Variants in SLC9A8 observed in about 807,000 individuals in gnomAD.
SLC9A8 encodes sodium/hydrogen exchanger 8.
In SLC9A8, 48 loss-of-function variants were observed where a neutral mutation model predicts 66.6. The observed-to-expected ratio is 0.72, with a 90% confidence interval of 0.57 to 0.92. The LOEUF (loss-of-function observed/expected upper bound fraction) is 0.92, where lower values mean the gene tolerates loss of function less well. Among genes scored for constraint, SLC9A8 ranks in the 40% least tolerant of loss-of-function variants. SLC9A8 has a pLI of 0.00. For missense variants in SLC9A8, 599 were observed against 747.3 expected (o/e 0.80, Z 2.31); for synonymous variants, 274 against 282.6 (o/e 0.97, Z 0.31).
intron 2 of SLC9A8, among the ~76,000 whole-genome samples, chr20:49,821,023 G>A (rs531822259): frequency 2.4e-4 from 37 of 152,052 alleles, no homozygotes; most frequent in Non-Finnish European, 4.9e-4. Flanking sequence ...TATATATTGT[G>A]GATAGTACAC....
rs1364713328 is a variant in SLC9A8 at position 49,886,819 on chromosome 20, G to A, written c.1559G>A (p.Arg520Lys). Reference sequence around the variant, plus strand: ...GAGGAGTACGAGGCCCACTACATCAGGCGGCAGGACCTTAAGGGCTTCGTG... The same window carrying A: ...GAGGAGTACGAGGCCCACTACATCAAGCGGCAGGACCTTAAGGGCTTCGTG... The part of the protein sequence containing the change: ...TEEEYEAHYI[R>K]RQDLKGFVWL... Residue 520 changes from arginine (R) to lysine (K), a missense_variant, in exon 15 of 16, where the codon AGG becomes AAG. Transcript: ENST00000361573. This position sits in a 1 kb window ranked among gnomAD's most constrained non-coding sequence, Gnocchi z 4.8. 1.9e-6 allele frequency: 3 copies of A among 1,614,190 alleles called. No individual in the cohort carries two copies. Among genetic ancestry groups the A allele is most frequent in the African/African-American group, 1.3e-5 (1 of 75,058 alleles).
chr20:49,865,116 T>G (rs2088907014), intron 10 of SLC9A8, among the ~76,000 whole-genome samples: 1 of 152,212 alleles, frequency 6.6e-6, no homozygotes, highest in African/African-American at 2.4e-5. Flanking sequence ...TGAGGCTCCC[T>G]CAGAGGAGGG....
intron 2 of SLC9A8, among the ~76,000 whole-genome samples, chr20:49,818,306 G>A (rs1023809564): frequency 6.6e-6 from 1 of 151,956 alleles, no homozygotes; most frequent in African/African-American, 2.4e-5. Context: ...AATGTTAGAT[G>A]GCTTTCATTT....
At chr20:49,853,709 C>T (rs1173056168) in intron 7 of SLC9A8, among the ~76,000 whole-genome samples, 1 of 152,214 alleles carries the variant, frequency 6.6e-6, no homozygotes. Flanking sequence ...CCAGTACAGA[C>T]CCTGGGAATT....
rs997686936 is a variant in SLC9A8 at position 49,888,243 on chromosome 20, G to A, written c.*307G>A. The A allele has an allele frequency of 1.2e-5, 4 of 321,470 alleles. No homozygotes were observed. Among genetic ancestry groups the A allele is most frequent in the Non-Finnish European group, 2.4e-5 (4 of 167,892 alleles). 19.9% of individuals were successfully genotyped at this position (321,470 alleles called of 1,614,324 possible). On this transcript the variant is annotated 3_prime_UTR_variant, in exon 16 of 16. Coordinates refer to ENST00000361573, the MANE Select transcript of SLC9A8 (RefSeq NM_015266.3). Reference sequence around the variant, plus strand: ...TGCCAGTCATCTGTGAAGCTAGGGCGCCTACCCCCCCACCCGGAGGACCCC... The same window carrying A: ...TGCCAGTCATCTGTGAAGCTAGGGCACCTACCCCCCCACCCGGAGGACCCC...
chr20:49,874,846 T>C lies in SLC9A8; in HGVS notation c.1075+25T>C, dbSNP rs60694486. The stretch of plus-strand genomic sequence containing the variant: ...GGTGAGTTCTGCTTCTGTGTGGCCG[T>C]GAGCAGGCCCACCCAGAGCTGATCT... On this transcript the variant is annotated intron_variant, in intron 11 of 15. Transcript: ENST00000361573. 3.5e-3 allele frequency: 5,137 copies of C among 1,454,486 alleles called. 190 individuals are homozygous for C. The East Asian group carries it at 0.088, about 25-fold the overall frequency. 90.1% of individuals were successfully genotyped at this position (1,454,486 alleles called of 1,614,324 possible).
intron 13 of SLC9A8, among the ~76,000 whole-genome samples, chr20:49,881,490 T>TGCTATTTAATCACTTTTTA (rs1447677179): frequency 6.6e-6 from 1 of 152,256 alleles, no homozygotes; most frequent in African/African-American, 2.4e-5. Context: ...ATGTTTCAGT[T>TGCTATTTAATCACTTTTTA]GCTATTTAAT....
chr20:49,855,340 A>G (rs2088430257), intron 7 of SLC9A8, 98 bp from the exon 8 acceptor site: 4 of 1,213,038 alleles, frequency 3.3e-6, no homozygotes, highest in Non-Finnish European at 4.8e-6. Flanking sequence ...AGCGTGTAGT[A>G]TTGCTTTCTG....
At chr20:49,860,125 A>G (rs1048219980) in intron 8 of SLC9A8, among the ~76,000 whole-genome samples, 3 of 152,126 alleles carry the variant, frequency 2.0e-5, no homozygotes, top group Non-Finnish European at 2.9e-5. Context: ...CTGCAGATCC[A>G]TTTTTGGGAA....
intron 8 of SLC9A8, 92 bp downstream of exon 8, chr20:49,855,673 A>G: frequency 4.0e-6 from 5 of 1,236,684 alleles, no homozygotes; most frequent in South Asian, 1.4e-5. Flanking sequence ...CAGCATGTGT[A>G]CAGTTGCTTG....
rs2089906750 is a variant in SLC9A8 at position 49,886,765 on chromosome 20, AGTCGGAGCACCT to A, written c.1514_1525del (p.His505_Glu508del). ...CTCCCTGCTCAGGGCAACACTGTGGAGTCGGAGCACCTGTCGGAGCTCACGGAGGAGGAGTAC... is the reference window on the plus strand; with the variant it reads ...CTCCCTGCTCAGGGCAACACTGTGGAGTCGGAGCTCACGGAGGAGGAGTAC... On this transcript the variant is annotated inframe_deletion, in exon 15 of 16. Coordinates refer to ENST00000361573, the MANE Select transcript of SLC9A8 (RefSeq NM_015266.3). This position sits in a 1 kb window ranked among gnomAD's most constrained non-coding sequence, Gnocchi z 4.8. 1 of 1,613,998 alleles carries A rather than the reference AGTCGGAGCACCT, an allele frequency of 6.2e-7. No homozygotes were observed. The highest frequency in any genetic ancestry group is 8.5e-7 in the Non-Finnish European group (1 of 1,179,910).
intron 3 of SLC9A8, among the ~76,000 whole-genome samples, chr20:49,827,400 C>A (rs146963441): frequency 1.3e-5 from 2 of 150,772 alleles, no homozygotes; most frequent in Non-Finnish European, 3.0e-5. Context: ...GTCAAGAGTT[C>A]GAGAACAACC....
intron 3 of SLC9A8, chr20:49,829,973 G>A (rs1220174452): frequency 1.6e-6 from 1 of 608,206 alleles, no homozygotes; most frequent in Non-Finnish European, 3.2e-6. Flanking sequence ...TGAGAAGAAT[G>A]TCACCATCGT....
chr20:49,878,675 A>C (rs971662566), intron 12 of SLC9A8, among the ~76,000 whole-genome samples: 11 of 152,218 alleles, frequency 7.2e-5, no homozygotes, highest in African/African-American at 2.7e-4. Flanking sequence ...TTTGTCCTCC[A>C]AACTCAGGTT....
rs150704243 is a variant in SLC9A8 at position 49,885,658 on chromosome 20, TGA to T, written c.1492-1092_1492-1091del. On this transcript the variant is annotated intron_variant, in intron 14 of 15. Transcript: ENST00000361573. ...GACAGCTCCTCTGAGGATGAACCGCTGAGTTTCTGGAATGTTTTCTGTGGCAG... is the reference window on the plus strand; with the variant it reads ...GACAGCTCCTCTGAGGATGAACCGCTGTTTCTGGAATGTTTTCTGTGGCAG... Among the ~76,000 whole-genome samples, 122 of 152,376 alleles carry T rather than the reference TGA, an allele frequency of 8.0e-4. 2 individuals carry two copies. The East Asian group carries it at 0.023, about 28-fold the overall frequency.
At chr20:49,824,502 T>G (rs1315249383) in intron 3 of SLC9A8, among the ~76,000 whole-genome samples, 3 of 152,256 alleles carry the variant, frequency 2.0e-5, no homozygotes, top group African/African-American at 7.2e-5. Context: ...GTCAGTTTTA[T>G]AGCTTCTTAC....
At chr20:49,851,830 A>G (rs1351943107) in intron 7 of SLC9A8, among the ~76,000 whole-genome samples, 1 of 152,236 alleles carries the variant, frequency 6.6e-6, no homozygotes, top group African/African-American at 2.4e-5. Flanking sequence ...TGTGTTTGGT[A>G]GGTATTTTGC....
Position 49,843,219 on chromosome 20 carries a change from T to C in SLC9A8, c.349-1817T>C, listed in dbSNP as rs190121748. 7.9e-5 allele frequency among the ~76,000 whole-genome samples: 12 copies of C among 152,182 alleles called. No homozygotes were observed. In the East Asian group the frequency reaches 2.3e-3, roughly 29 times the overall value. On this transcript the variant is annotated intron_variant, in intron 4 of 15. Coordinates refer to ENST00000361573, the MANE Select transcript of SLC9A8 (RefSeq NM_015266.3). ...GGTGGGGGGGGCTAGTTTTTATACC[T>C]CCAAAAGGCTGTATATAGTGGTCCT...
intron 5 of SLC9A8, among the ~76,000 whole-genome samples, chr20:49,847,887 A>G (rs1225386925): frequency 6.7e-6 from 1 of 149,494 alleles, no homozygotes; most frequent in Non-Finnish European, 1.5e-5. Flanking sequence ...CTCTGCAAAC[A>G]GGTCAAAACT....
Sources: gnomAD v4.1 joint callset for allele counts (sites outside exome capture counted in the v4.1 genomes callset) on GRCh38, gnomAD v4.1.1 for gene constraint, Gnocchi (gnomAD v3.1) non-coding constraint, MANE v1.5 for transcripts, NCBI Gene and HGNC (gene_info 2026-07-23, HGNC 2026-07-21) for gene names.